FBXO16: variants seen among roughly 807,000 people sequenced by gnomAD.
FBXO16 encodes the protein F-box protein 16.
A neutral mutation model predicts 41.0 loss-of-function variants in FBXO16; 31 were observed. That is an observed-to-expected ratio of 0.76 (90% CI 0.57 to 1.02). FBXO16 has a LOEUF of 1.02. Among genes scored for constraint, FBXO16 ranks in the 50% least tolerant of loss-of-function variants. The pLI is 0.00. For synonymous variants in FBXO16, 133 were observed against 117.8 expected (o/e 1.13, Z -0.84); for missense variants, 361 against 346.2 (o/e 1.04, Z -0.34).
intron 3 of FBXO16, among the ~76,000 whole-genome samples, chr8:28,470,952 T>G (rs536254916): frequency 6.6e-6 from 1 of 152,184 alleles, no homozygotes; most frequent in Non-Finnish European, 1.5e-5. Flanking sequence ...TTTATTAAAA[T>G]GGGTTATTAT....
chr8:28,466,381 TG>T (rs1273682392), intron 3 of FBXO16, among the ~76,000 whole-genome samples: 2 of 151,832 alleles, frequency 1.3e-5, no homozygotes, highest in Non-Finnish European at 2.9e-5. Flanking sequence ...GACCCTAAAA[TG>T]AAAAAACAAA....
intron 2 of FBXO16, among the ~76,000 whole-genome samples, chr8:28,478,893 T>C (rs544251142): frequency 1.3e-5 from 2 of 151,476 alleles, no homozygotes; most frequent in African/African-American, 4.8e-5. Context: ...GATTGGATCA[T>C]GGGGGCGGTT....
Position 28,458,750 on chromosome 8 carries a change from C to T in FBXO16, c.343-1820G>A, listed in dbSNP as rs141796540. On this transcript the variant is annotated intron_variant, in intron 4 of 8. Transcript: ENST00000380254. The stretch of plus-strand genomic sequence containing the variant: ...TATTTTTAGTAGAGACAGGGTTTCT[C>T]CTCTTCTTTAGATCACGTTTTGACC... Among the ~76,000 whole-genome samples the T allele has an allele frequency of 2.4e-3, 362 of 152,038 alleles. 1 individual carries two copies. The highest frequency in any genetic ancestry group is 8.1e-3 in the African/African-American group (337 of 41,472).
chr8:28,465,285 A>T, intron 3 of FBXO16: 1 of 378,342 alleles, frequency 2.6e-6, no homozygotes, highest in East Asian at 9.4e-5. Flanking sequence ...CTCAGAGCTG[A>T]GCAGAGGAGG....
chr8:28,462,121 G>C (rs1452361422), intron 4 of FBXO16, among the ~76,000 whole-genome samples: 2 of 151,268 alleles, frequency 1.3e-5, no homozygotes, highest in Non-Finnish European at 2.9e-5. Context: ...AAAATGTTTT[G>C]TAAAGACGAG....
intron 2 of FBXO16, among the ~76,000 whole-genome samples, chr8:28,478,498 T>C (rs1803457242): frequency 6.6e-6 from 1 of 152,124 alleles, no homozygotes; most frequent in South Asian, 2.1e-4. Flanking sequence ...ATGTTGGGGT[T>C]TGGATCTCTG....
At chr8:28,428,973 T>A (rs750161535) in intron 8 of FBXO16, among the ~76,000 whole-genome samples, 15 of 152,060 alleles carry the variant, frequency 9.9e-5, no homozygotes, top group Non-Finnish European at 2.1e-4. Context: ...CATCTGAACC[T>A]CAAGATCACA....
At chr8:28,485,438 G>C (rs1002620790) in intron 1 of FBXO16, among the ~76,000 whole-genome samples, 17 of 152,316 alleles carry the variant, frequency 1.1e-4, no homozygotes, top group Non-Finnish European at 2.5e-4. Flanking sequence ...CTCCCAAAGT[G>C]CTGGGATTAC....
intron 4 of FBXO16, among the ~76,000 whole-genome samples, chr8:28,458,706 C>T (rs972899717): frequency 6.6e-6 from 1 of 152,102 alleles, no homozygotes; most frequent in Non-Finnish European, 1.5e-5. Context: ...GCATGCGCCA[C>T]TATGCCCATC....
chr8:28,428,441 G>T lies in FBXO16; in HGVS notation c.*286C>A. 2 of 889,272 alleles carry T rather than the reference G, an allele frequency of 2.2e-6. No homozygotes were observed. Among genetic ancestry groups the T allele is most frequent in the Non-Finnish European group, 3.3e-6 (2 of 612,342 alleles). The allele number at this position is 889,272 out of a possible 1,614,324, so 55.1% of individuals were successfully genotyped here. A position where few individuals can be genotyped will look rare whatever the true frequency, so the allele number is the denominator to read the frequency against. ...ATGAATTCCTTTTTACTGAAATACC[G>T]TAGGACTCACTACCACAATAAGTAC... is the stretch of plus-strand genomic sequence containing the variant. On this transcript the variant is annotated 3_prime_UTR_variant, in exon 9 of 9. Coordinates refer to ENST00000380254, the MANE Select transcript of FBXO16 (RefSeq NM_172366.4).
intron 2 of FBXO16, among the ~76,000 whole-genome samples, chr8:28,476,453 C>CT (rs1282959704): frequency 2.0e-5 from 3 of 152,302 alleles, no homozygotes; most frequent in African/African-American, 7.2e-5. Flanking sequence ...CTCAGTTGGA[C>CT]TTATAGTCTT....
chr8:28,441,867 T>C (rs1016447237), intron 7 of FBXO16, among the ~76,000 whole-genome samples: 3 of 147,244 alleles, frequency 2.0e-5, no homozygotes, highest in African/African-American at 7.8e-5. Flanking sequence ...TATATATATG[T>C]GTGTTTATAT....
chr8:28,457,723 G>T (rs1803060550), intron 4 of FBXO16, among the ~76,000 whole-genome samples: 2 of 152,102 alleles, frequency 1.3e-5, no homozygotes, highest in African/African-American at 4.8e-5. Context: ...CATAGGTGGG[G>T]ACATAGCCCA....
intron 5 of FBXO16, among the ~76,000 whole-genome samples, chr8:28,454,653 G>C (rs1239105680): frequency 6.7e-6 from 1 of 149,636 alleles, no homozygotes. Flanking sequence ...GCGTGAGCCC[G>C]GGAGGCGGAG....
At position 28,456,775 on chromosome 8, in the gene FBXO16, G is replaced by C; in HGVS notation, c.498C>G (p.Thr166=). The change falls in exon 5 of 9, where the codon ACC becomes ACG. Residue 166 remains threonine, a synonymous_variant. Coordinates refer to ENST00000380254, the MANE Select transcript of FBXO16 (RefSeq NM_172366.4). The part of the protein sequence containing the change: ...YIQMVKELHI[T]KPKTPPKDGF... ...TCTGTCTAAAATTCACCTTAGGCTT[G>C]GTAATATGAAGTTCTTTCACCATTT... The C allele has an allele frequency of 6.2e-7, 1 of 1,613,840 alleles. No individual in the cohort carries two copies. The highest frequency in any genetic ancestry group is 8.5e-7 in the Non-Finnish European group (1 of 1,179,926).
In FBXO16 at chr8:28,488,543, A is replaced by G. The variant is rs576162048; in HGVS notation, c.-17+1643T>C. Among the ~76,000 whole-genome samples, 62 of 151,214 alleles carry G rather than the reference A, an allele frequency of 4.1e-4. 1 individual carries two copies. The South Asian group carries it at 0.012, about 28-fold the overall frequency. On this transcript the variant is annotated intron_variant, in intron 1 of 8. Transcript: ENST00000380254. Reference sequence around the variant, plus strand: ...GGTCTCAAACTTCTGGGCTCAAGCAATCCACCACCTCAGCCTCCCAAAGTG... The same window carrying G: ...GGTCTCAAACTTCTGGGCTCAAGCAGTCCACCACCTCAGCCTCCCAAAGTG...
chr8:28,461,132 C>T (rs925433888), intron 4 of FBXO16, among the ~76,000 whole-genome samples: 9 of 144,906 alleles, frequency 6.2e-5, no homozygotes, highest in African/African-American at 2.3e-4. Flanking sequence ...ATAGTTGCAA[C>T]TTATTTACCC....
intron 4 of FBXO16, among the ~76,000 whole-genome samples, chr8:28,460,245 A>ATATATATTTTTTTTT (rs1477457728): frequency 2.3e-5 from 2 of 85,484 alleles, no homozygotes; most frequent in African/African-American, 1.3e-4. Context: ...ATATATATAT[A>ATATATATTTTTTTTT]TTTTTTTTTT....
chr8:28,451,501 C>A (rs1415669030), intron 6 of FBXO16, among the ~76,000 whole-genome samples: 2 of 150,612 alleles, frequency 1.3e-5, no homozygotes, highest in Non-Finnish European at 3.0e-5. Context: ...CCATGATTAC[C>A]GACACATGCC....
Sources: gnomAD v4.1 joint callset for allele counts (sites outside exome capture counted in the v4.1 genomes callset) on GRCh38, gnomAD v4.1.1 for gene constraint, MANE v1.5 for transcripts, NCBI Gene and HGNC (gene_info 2026-07-23, HGNC 2026-07-21) for gene names.